CSMD1: variants seen among roughly 807,000 people sequenced by gnomAD.
CSMD1 encodes CUB and Sushi multiple domains 1, also known as CUB and sushi domain-containing protein 1.
A neutral mutation model predicts 417.5 loss-of-function variants in CSMD1; 213 were observed. That is an observed-to-expected ratio of 0.51 (90% CI 0.46 to 0.57). CSMD1 has a LOEUF of 0.57. CSMD1 is among the 20% of genes least tolerant of loss of function. CSMD1 has a pLI of 0.00. For synonymous variants in CSMD1, 2,862 were observed against 1,736.8 expected (o/e 1.65, Z -16.11); for missense variants, 6,923 against 4,529.7 (o/e 1.53, Z -15.17).
chr8:4,161,189 A>G (rs1230155285), intron 3 of CSMD1, among the ~76,000 whole-genome samples: 2 of 152,160 alleles, frequency 1.3e-5, no homozygotes, highest in Admixed American at 6.5e-5. Flanking sequence ...GCAATGTGCT[A>G]CTTCCTATCT....
chr8:4,870,677 G>A (rs1045807921), intron 1 of CSMD1, among the ~76,000 whole-genome samples: 1 of 152,130 alleles, frequency 6.6e-6, no homozygotes, highest in African/African-American at 2.4e-5. Context: ...TACAGAAGTA[G>A]GGAGAGCAAA....
chr8:4,122,498 C>G (rs1033420637), intron 3 of CSMD1, among the ~76,000 whole-genome samples: 1 of 152,156 alleles, frequency 6.6e-6, no homozygotes, highest in African/African-American at 2.4e-5. Flanking sequence ...AGTAAACTGT[C>G]TAAAAGAGAA....
intron 49 of CSMD1, among the ~76,000 whole-genome samples, chr8:3,085,290 AAAACCAT>A (rs1449112025): frequency 6.6e-6 from 1 of 152,254 alleles, no homozygotes; most frequent in African/African-American, 2.4e-5. Flanking sequence ...AGAAAAAAAC[AAAACCAT>A]ATTGACTCCC....
intron 37 of CSMD1, among the ~76,000 whole-genome samples, chr8:3,166,980 T>C (rs767434548): frequency 8.5e-5 from 13 of 152,160 alleles, no homozygotes; most frequent in Non-Finnish European, 1.6e-4. Flanking sequence ...GGTGAAGCAA[T>C]GCTTCTTTAA....
intron 41 of CSMD1, among the ~76,000 whole-genome samples, chr8:3,137,981 T>C (rs1314880058): frequency 6.6e-6 from 1 of 152,166 alleles, no homozygotes; most frequent in African/African-American, 2.4e-5. Flanking sequence ...TCCCAGCACT[T>C]TGGGAGGATG....
chr8:3,056,760 TTAAA>T (rs74834799), intron 49 of CSMD1, among the ~76,000 whole-genome samples: 36,874 of 151,882 alleles, frequency 0.24, 5,097 homozygotes, highest in East Asian at 0.34. Flanking sequence ...ATATATAACT[TTAAA>T]TATGTATACA....
chr8:3,467,284 G>C (rs573111799), intron 12 of CSMD1, among the ~76,000 whole-genome samples: 4 of 152,312 alleles, frequency 2.6e-5, no homozygotes, highest in African/African-American at 7.2e-5. Context: ...TCTCAATGCT[G>C]CTGAGATGAA....
intron 3 of CSMD1, among the ~76,000 whole-genome samples, chr8:4,356,614 T>C (rs1024577874): frequency 2.0e-5 from 3 of 152,210 alleles, no homozygotes; most frequent in Non-Finnish European, 4.4e-5. Context: ...CTTGGCTGTT[T>C]TCACTGTGTC....
chr8:4,170,467 G>T (rs12156172), intron 3 of CSMD1, among the ~76,000 whole-genome samples: 11,207 of 151,842 alleles, frequency 0.074, 549 homozygotes, highest in Middle Eastern at 0.18. Flanking sequence ...ATCTATAGGT[G>T]CCTCTACTTC....
At chr8:4,143,065 A>T (rs66966868) in intron 3 of CSMD1, among the ~76,000 whole-genome samples, 45,213 of 150,716 alleles carry the variant, frequency 0.3, 8,428 homozygotes, top group Non-Finnish European at 0.39. Context: ...AATGAACACA[A>T]TGAAGCAAGT....
intron 40 of CSMD1, among the ~76,000 whole-genome samples, chr8:3,147,473 C>T (rs1456841042): frequency 6.6e-6 from 1 of 152,170 alleles, no homozygotes; most frequent in Non-Finnish European, 1.5e-5. Context: ...CTCCAGCATC[C>T]AAGGAACTGG....
At chr8:3,948,432 G>C (rs994196419) in intron 5 of CSMD1, among the ~76,000 whole-genome samples, 1 of 152,084 alleles carries the variant, frequency 6.6e-6, no homozygotes, top group African/African-American at 2.4e-5. Context: ...AAGACGTTAG[G>C]TTTTGTGACA....
intron 8 of CSMD1, among the ~76,000 whole-genome samples, chr8:3,599,030 G>A (rs1309216249): frequency 2.0e-5 from 3 of 152,068 alleles, no homozygotes; most frequent in African/African-American, 4.8e-5. Context: ...GCAGTGAGCA[G>A]AGCTTGCAAC....
intron 6 of CSMD1, among the ~76,000 whole-genome samples, chr8:3,742,857 C>A (rs1796881679): frequency 6.6e-6 from 1 of 152,232 alleles, no homozygotes; most frequent in Non-Finnish European, 1.5e-5. Flanking sequence ...AGAGTTACTT[C>A]TGCGTTTCTA....
intron 1 of CSMD1, among the ~76,000 whole-genome samples, chr8:4,809,540 C>A (rs1218958272): frequency 6.6e-6 from 1 of 152,084 alleles, no homozygotes; most frequent in Non-Finnish European, 1.5e-5. Flanking sequence ...AGTAAAGAGG[C>A]CTTAGGTTTA....
At chr8:4,581,124 T>C (rs1563306103) in intron 2 of CSMD1, among the ~76,000 whole-genome samples, 2 of 152,224 alleles carry the variant, frequency 1.3e-5, no homozygotes, top group Non-Finnish European at 1.5e-5. Flanking sequence ...AAATGAACGG[T>C]AGAAAGAATC....
chr8:4,939,093 G>C (rs994883727), intron 1 of CSMD1, among the ~76,000 whole-genome samples: 1 of 152,142 alleles, frequency 6.6e-6, no homozygotes, highest in South Asian at 2.1e-4. Context: ...TCTGCGGGTT[G>C]CCTCTTTATT....
chr8:3,369,137 T>A, intron 19 of CSMD1, 117 bp downstream of exon 19: 1 of 566,394 alleles, frequency 1.8e-6, no homozygotes, highest in East Asian at 2.9e-5. Flanking sequence ...AATCTTGAAC[T>A]ATACATGAGA....
chr8:2,986,464 C>G (rs995422471), intron 54 of CSMD1, among the ~76,000 whole-genome samples: 4 of 152,112 alleles, frequency 2.6e-5, no homozygotes, highest in African/African-American at 9.7e-5. Context: ...AACACTCCCT[C>G]TAAGGCCTAC....
Sources: gnomAD v4.1 joint callset for allele counts (sites outside exome capture counted in the v4.1 genomes callset) on GRCh38, gnomAD v4.1.1 for gene constraint, MANE v1.5 for transcripts, NCBI Gene and HGNC (gene_info 2026-07-23, HGNC 2026-07-21) for gene names.